Variants in C1orf105 observed in about 807,000 individuals in gnomAD.
C1orf105 encodes the protein chromosome 1 open reading frame 105, also known as uncharacterized protein C1orf105.
In C1orf105, 17 loss-of-function variants were observed where a neutral mutation model predicts 20.8. That is an observed-to-expected ratio of 0.82 (90% CI 0.56 to 1.23). The LOEUF (loss-of-function observed/expected upper bound fraction) is 1.23, where lower values mean the gene tolerates loss of function less well. C1orf105 is among the 50% of genes most tolerant of loss of function. C1orf105 has a pLI of 0.00. For synonymous variants in C1orf105, 72 were observed against 72.1 expected, an observed-to-expected ratio of 1.00 and a Z score of 0.01; for missense variants, 219 against 213.5, an observed-to-expected ratio of 1.03 and a Z score of -0.16.
intron 2 of C1orf105, among the ~76,000 whole-genome samples, chr1:172,446,377 A>AG (rs1189291633): frequency 1.3e-5 from 2 of 152,218 alleles, no homozygotes; most frequent in Non-Finnish European, 2.9e-5. Flanking sequence ...CATGACAGTC[A>AG]GATGAGGGGC....
intron 1 of C1orf105, chr1:172,444,353 G>C: frequency 3.1e-6 from 3 of 960,740 alleles, no homozygotes; most frequent in Non-Finnish European, 2.5e-6. Context: ...CTTTTGTTGC[G>C]CTCCTTTATT....
Position 172,465,347 on chromosome 1 carries a change from T to C in C1orf105, c.390T>C (p.His130=), listed in dbSNP as rs564396367. 2.5e-6 allele frequency: 4 copies of C among 1,611,648 alleles called. No homozygotes were observed. Among genetic ancestry groups the C allele is most frequent in the Admixed American group, 1.7e-5 (1 of 60,010 alleles). The change falls in exon 6 of 7, where the codon CAT becomes CAC. Residue 130 remains histidine (H), a synonymous_variant. Transcript: ENST00000367727. ...TCCAGACTACACCTGAGCCTTTCCA[T>C]GATGACATCCCAACAGGTTTGCTTT... ...PKFQTTPEPF[H]DDIPTESIHY...
intron 6 of C1orf105, among the ~76,000 whole-genome samples, chr1:172,468,157 C>G (rs1326947613): frequency 6.6e-6 from 1 of 152,014 alleles, no homozygotes; most frequent in African/African-American, 2.4e-5. Flanking sequence ...ACGTCTAATA[C>G]TTGAGTTTTG....
intron 1 of C1orf105, among the ~76,000 whole-genome samples, chr1:172,430,564 G>C (rs189414295): frequency 6.6e-6 from 1 of 151,976 alleles, no homozygotes; most frequent in East Asian, 1.9e-4. Context: ...TTAACTTCTC[G>C]TGCAGCTGGG....
intron 4 of C1orf105, among the ~76,000 whole-genome samples, chr1:172,459,231 C>T (rs1649522268): frequency 1.3e-5 from 2 of 152,022 alleles, no homozygotes; most frequent in South Asian, 4.1e-4. Flanking sequence ...CCACAAAGAA[C>T]ACCATCAAGA....
At chr1:172,464,062 G>T (rs747445139) in intron 5 of C1orf105, among the ~76,000 whole-genome samples, 1 of 152,048 alleles carries the variant, frequency 6.6e-6, no homozygotes, top group Non-Finnish European at 1.5e-5. Context: ...TGAAATTGTG[G>T]TTTTTTAAAA....
intron 1 of C1orf105, among the ~76,000 whole-genome samples, chr1:172,430,910 TCA>T (rs2071854584): frequency 6.6e-6 from 1 of 152,248 alleles, no homozygotes. Context: ...TGATCTGTGA[TCA>T]GTGATCTTTG....
At chr1:172,450,389 G>A (rs2269614) in intron 3 of C1orf105, among the ~76,000 whole-genome samples, 39,507 of 152,136 alleles carry the variant, frequency 0.26, 5,483 homozygotes, top group East Asian at 0.35. Flanking sequence ...TCACACAGAC[G>A]TCCTCAAATT....
intron 1 of C1orf105, among the ~76,000 whole-genome samples, chr1:172,433,813 T>C (rs1269359516): frequency 6.6e-6 from 1 of 152,166 alleles, no homozygotes; most frequent in Admixed American, 6.5e-5. Flanking sequence ...ACTGGCAAAT[T>C]GGATAAAGAG....
intron 1 of C1orf105, chr1:172,441,720 T>G: frequency 6.5e-7 from 1 of 1,529,326 alleles, no homozygotes. Context: ...ATGTAATGGA[T>G]GTCCTAATTT....
At chr1:172,425,885 C>T (rs1452833709) in intron 1 of C1orf105, among the ~76,000 whole-genome samples, 1 of 151,962 alleles carries the variant, frequency 6.6e-6, no homozygotes, top group African/African-American at 2.4e-5. Flanking sequence ...CCTCCCTACC[C>T]ACCCACTCAC....
At chr1:172,462,992 G>A (rs1175471262) in intron 5 of C1orf105, among the ~76,000 whole-genome samples, 1 of 151,938 alleles carries the variant, frequency 6.6e-6, no homozygotes, top group Non-Finnish European at 1.5e-5. Context: ...GGCCAGGCTG[G>A]TCTCAAACTC....
intron 1 of C1orf105, among the ~76,000 whole-genome samples, chr1:172,440,603 C>T (rs762476998): frequency 6.6e-6 from 1 of 152,148 alleles, no homozygotes. Context: ...TCATAGCCCT[C>T]AAATTGCTAC....
chr1:172,437,814 C>T (rs1426210968), intron 1 of C1orf105, among the ~76,000 whole-genome samples: 1 of 151,650 alleles, frequency 6.6e-6, no homozygotes, highest in Non-Finnish European at 1.5e-5. Context: ...TAGCTACACT[C>T]AACAATAGAT....
intron 3 of C1orf105, among the ~76,000 whole-genome samples, chr1:172,449,063 G>A (rs1490856059): frequency 6.6e-6 from 1 of 152,168 alleles, no homozygotes; most frequent in Non-Finnish European, 1.5e-5. Context: ...GGTGAGATAA[G>A]CAATTTTTTC....
Position 172,468,733 on chromosome 1 carries a change from G to T in C1orf105, c.*139G>T. 1.1e-6 allele frequency: 1 copy of T among 889,032 alleles called. No individual in the cohort carries two copies. The highest frequency in any genetic ancestry group is 1.9e-5 in the South Asian group (1 of 52,642). The allele number at this position is 889,032 out of a possible 1,614,324, so 55.1% of individuals were successfully genotyped here. A position where few individuals can be genotyped will look rare whatever the true frequency, so the allele number is the denominator to read the frequency against. On this transcript the variant is annotated 3_prime_UTR_variant, in exon 7 of 7. Coordinates refer to ENST00000367727, the MANE Select transcript of C1orf105 (RefSeq NM_139240.4). ...TTAATTTTGCCTTCCTAAGATTGCT[G>T]GTATTCTAGCTCTTACCTCTATGTT...
At chr1:172,463,744 A>G (rs1649852519) in intron 5 of C1orf105, among the ~76,000 whole-genome samples, 1 of 152,332 alleles carries the variant, frequency 6.6e-6, no homozygotes, top group African/African-American at 2.4e-5. Context: ...AAATTCCAGA[A>G]CATTAATTAG....
At chr1:172,466,313 C>A (rs1273941510) in intron 6 of C1orf105, among the ~76,000 whole-genome samples, 1 of 152,022 alleles carries the variant, frequency 6.6e-6, no homozygotes, top group Admixed American at 6.6e-5. Flanking sequence ...TTATGTATAC[C>A]AAAATATTGG....
At position 172,462,304 on chromosome 1, in the gene C1orf105, G is replaced by A. The variant is rs1017511454; in HGVS notation, c.341+59G>A. The A allele has an allele frequency of 1.4e-5, 18 of 1,264,008 alleles. No homozygotes were observed. In the African/African-American group the frequency reaches 2.6e-4, roughly 18 times the overall value. 78.3% of individuals were successfully genotyped at this position (1,264,008 alleles called of 1,614,324 possible). Reference sequence around the variant, plus strand: ...ATTCTTGTTATGTCTGAGGACACAGGAGAGTGGATTGAGAAGCCTAGTAAG... The same window carrying A: ...ATTCTTGTTATGTCTGAGGACACAGAAGAGTGGATTGAGAAGCCTAGTAAG... On this transcript the variant is annotated intron_variant, in intron 5 of 6. Coordinates refer to ENST00000367727, the MANE Select transcript of C1orf105 (RefSeq NM_139240.4).
Sources: allele counts gnomAD v4.1 joint callset (sites outside exome capture counted in the v4.1 genomes callset), GRCh38; gene constraint gnomAD v4.1.1; transcripts MANE v1.5; gene names NCBI Gene and HGNC (gene_info 2026-07-23, HGNC 2026-07-21).